LOXL2: variants seen among roughly 807,000 people sequenced by gnomAD.
The protein encoded by LOXL2 is lysyl oxidase like 2.
A neutral mutation model predicts 93.0 loss-of-function variants in LOXL2; 70 were observed. The ratio of observed to expected loss-of-function variants is 0.75; its 90% CI spans 0.62 to 0.92. The LOEUF (loss-of-function observed/expected upper bound fraction) is 0.92. LOXL2 is among the 40% of genes least tolerant of loss of function. The probability of loss-of-function intolerance (pLI) is 0.00; values close to 1 mark genes in which losing one functional copy is unlikely to be tolerated. For synonymous variants in LOXL2, 438 were observed against 413.2 expected, an observed-to-expected ratio of 1.06 and a Z score of -0.73; for missense variants, 973 against 1,054.9, an observed-to-expected ratio of 0.92 and a Z score of 1.08.
intron 1 of LOXL2, among the ~76,000 whole-genome samples, chr8:23,395,836 G>A (rs976176339): frequency 6.6e-6 from 1 of 151,990 alleles, no homozygotes; most frequent in African/African-American, 2.4e-5. Flanking sequence ...ACCATGACTG[G>A]CTAATTTTTG....
At chr8:23,347,168 AACACACACACACACACACACACACAC>A (rs60464587) in intron 3 of LOXL2, among the ~76,000 whole-genome samples, 2 of 141,758 alleles carry the variant, frequency 1.4e-5, no homozygotes, top group African/African-American at 5.1e-5. Flanking sequence ...AACACACACA[AACACACACACACACACACACACACAC>A]ACACACACAC....
At position 23,315,736 on chromosome 8, in the gene LOXL2, C is replaced by T. The variant is rs546989748; in HGVS notation, c.1636+1213G>A. Among the ~76,000 whole-genome samples, 4 of 152,332 alleles carry T rather than the reference C, an allele frequency of 2.6e-5. No individual in the cohort carries two copies. In the South Asian group the frequency reaches 8.3e-4, roughly 32 times the overall value. On this transcript the variant is annotated intron_variant, in intron 9 of 13. Transcript: ENST00000389131. ...TAAATGCATAGAACCCCCTAGTACA[C>T]ATTTGTAAAATTAACCCCTCCCTGG...
At chr8:23,333,751 C>G (rs1585355079) in intron 4 of LOXL2, 128 bp from the exon 5 acceptor site, 1 of 698,480 alleles carries the variant, frequency 1.4e-6, no homozygotes, top group East Asian at 2.7e-5. Context: ...ACAGAGGGTC[C>G]CAGCTCAGTC....
chr8:23,316,160 C>A (rs1803399095), intron 9 of LOXL2, among the ~76,000 whole-genome samples: 1 of 152,218 alleles, frequency 6.6e-6, no homozygotes, highest in Admixed American at 6.5e-5. Flanking sequence ...GGCAGGATGA[C>A]AGTGCATCTT....
intron 1 of LOXL2, among the ~76,000 whole-genome samples, chr8:23,378,366 C>T (rs1233773544): frequency 3.3e-5 from 5 of 152,098 alleles, no homozygotes; most frequent in African/African-American, 1.2e-4. Flanking sequence ...TCTGGCTGTC[C>T]TTAACATTTT....
chr8:23,340,942 T>G lies in LOXL2; in HGVS notation c.743+50A>C, dbSNP rs779999255. 3 of 1,519,438 alleles carry G rather than the reference T, an allele frequency of 2.0e-6. No individual in the cohort carries two copies. The South Asian group carries it at 3.4e-5, about 17-fold the overall frequency. 94.1% of individuals were successfully genotyped at this position (1,519,438 alleles called of 1,614,324 possible). A position where few individuals can be genotyped will look rare whatever the true frequency, so the allele number is the denominator to read the frequency against. ...CCAGGGCGGACACTTTTAACTCTTT[T>G]AGGCAGGGCGGATACCCTCAAAGCC... On this transcript the variant is annotated intron_variant, in intron 4 of 13. Transcript: ENST00000389131.
intron 7 of LOXL2, 148 bp downstream of exon 7, chr8:23,321,982 G>A (rs1803504391): frequency 2.3e-6 from 2 of 886,776 alleles, no homozygotes; most frequent in Admixed American, 2.4e-5. Context: ...GGTTCGAGGG[G>A]GAACTAAACA....
intron 3 of LOXL2, among the ~76,000 whole-genome samples, chr8:23,353,656 C>G (rs1475259696): frequency 6.6e-6 from 1 of 152,182 alleles, no homozygotes; most frequent in African/African-American, 2.4e-5. Flanking sequence ...TGAAATAAAC[C>G]AAGCCTAGTG....
In LOXL2 at chr8:23,298,941, T is replaced by C. The variant is rs367970507; in HGVS notation, c.2140A>G (p.Ile714Val). 6.2e-7 allele frequency: 1 copy of C among 1,600,912 alleles called. No individual in the cohort carries two copies. Among genetic ancestry groups the C allele is most frequent in the Non-Finnish European group, 8.6e-7 (1 of 1,168,180 alleles). Reference protein sequence around the residue: ...PPGDYLFQVVINPNFEVAESD... With the variant: ...PPGDYLFQVVVNPNFEVAESD... ...TCTGCAACCTCGAAGTTGGGGTTAA[T>C]AACAACCTAGGGAGAAGCAGGGCAG... is the stretch of plus-strand genomic sequence containing the variant. Residue 714 changes from isoleucine to valine, a missense_variant, in exon 13 of 14, where the codon ATT becomes GTT. Transcript: ENST00000389131.
At chr8:23,340,946 C>G (rs1375805942) in intron 4 of LOXL2, 46 bp downstream of exon 4, 29 of 1,527,880 alleles carry the variant, frequency 1.9e-5, no homozygotes, top group Non-Finnish European at 2.5e-5. Context: ...CTCTTTTAGG[C>G]AGGGCGGATA....
chr8:23,343,630 G>A (rs1189069305), intron 3 of LOXL2, among the ~76,000 whole-genome samples: 1 of 152,246 alleles, frequency 6.6e-6, no homozygotes, highest in Non-Finnish European at 1.5e-5. Context: ...CTACTCTCAG[G>A]TCCTGCAAGG....
chr8:23,371,751 CAAAAAAAAAAAAAAA>C (rs55780832), intron 1 of LOXL2, among the ~76,000 whole-genome samples: 22 of 43,902 alleles, frequency 5.0e-4, no homozygotes, highest in Admixed American at 2.2e-3. Flanking sequence ...GAGTCTGTCT[CAAAAAAAAAAAAAAA>C]AAAAAAAAAA....
At chr8:23,311,564 G>A (rs947445418) in intron 9 of LOXL2, among the ~76,000 whole-genome samples, 12 of 151,512 alleles carry the variant, frequency 7.9e-5, no homozygotes, top group Non-Finnish European at 7.4e-5. Flanking sequence ...GATCGTTAAT[G>A]TACCATGGTT....
chr8:23,397,227 A>G (rs1418526200), intron 1 of LOXL2, among the ~76,000 whole-genome samples: 2 of 152,218 alleles, frequency 1.3e-5, no homozygotes, highest in Non-Finnish European at 2.9e-5. Flanking sequence ...TTAGTGTTCA[A>G]TGGGTACAGA....
At chr8:23,311,868 A>G (rs4871863) in intron 9 of LOXL2, among the ~76,000 whole-genome samples, 128,051 of 152,214 alleles carry the variant, frequency 0.84, 54,123 homozygotes, top group African/African-American at 0.91. Flanking sequence ...CCTGTCGGGT[A>G]GGTGGTCAGG....
chr8:23,373,458 C>T (rs994084911), intron 1 of LOXL2, among the ~76,000 whole-genome samples: 1 of 152,152 alleles, frequency 6.6e-6, no homozygotes, highest in African/African-American at 2.4e-5. Flanking sequence ...ACTCAGCTGC[C>T]CGTGTAGCTG....
intron 1 of LOXL2, among the ~76,000 whole-genome samples, chr8:23,402,164 A>G (rs1800159792): frequency 6.6e-6 from 1 of 152,080 alleles, no homozygotes; most frequent in African/African-American, 2.4e-5. Context: ...ACATATGCAC[A>G]CACATTGCGT....
At position 23,385,681 on chromosome 8, in the gene LOXL2, C is replaced by A. The variant is rs779117905; in HGVS notation, c.-83-17247G>T. On this transcript the variant is annotated intron_variant, in intron 1 of 13. Transcript: ENST00000389131. The stretch of plus-strand genomic sequence containing the variant: ...TGCTAAGACAGGTATTTCATCCTCT[C>A]GTCTGGATGAGCACTGCCCAACAGA... The A allele has an allele frequency of 1.4e-5, 7 of 504,388 alleles. No individual in the cohort carries two copies. In the South Asian group the frequency reaches 1.4e-4, roughly 10 times the overall value. The allele number at this position is 504,388 out of a possible 1,614,324, so 31.2% of individuals were successfully genotyped here. A position where few individuals can be genotyped will look rare whatever the true frequency, so the allele number is the denominator to read the frequency against.
At position 23,360,088 on chromosome 8, in the gene LOXL2, GCCTCT is replaced by G; in HGVS notation, c.528_531+1del. On this transcript the variant is annotated splice_donor_variant and coding_sequence_variant, in exon 3 of 14. Coordinates refer to ENST00000389131, the MANE Select transcript of LOXL2 (RefSeq NM_002318.3). LOFTEE classifies it high-confidence loss of function. ...AGGAAACATCAAGAGCACATGACTT[GCCTCT>G]ATCTGGTTGATCAACGAATTGTCAA... 6.3e-7 allele frequency: 1 copy of G among 1,596,920 alleles called. No homozygotes were observed. The highest frequency in any genetic ancestry group is 8.6e-7 in the Non-Finnish European group (1 of 1,165,290).
Sources: allele counts gnomAD v4.1 joint callset (sites outside exome capture counted in the v4.1 genomes callset), GRCh38; gene constraint gnomAD v4.1.1; transcripts MANE v1.5; gene names NCBI Gene and HGNC (gene_info 2026-07-23, HGNC 2026-07-21).